The following EMCN variants were observed in gnomAD, a reference collection of about 807,000 sequenced individuals.
The protein encoded by EMCN is MUC-14.
Under a neutral mutation model 38.4 loss-of-function variants are expected in EMCN, and 37 were observed. The ratio of observed to expected loss-of-function variants is 0.96; its 90% CI spans 0.74 to 1.27. The LOEUF (loss-of-function observed/expected upper bound fraction) is 1.27. Among genes scored for constraint, EMCN ranks in the 50% most tolerant of loss-of-function variants. EMCN has a pLI of 0.00. For missense variants in EMCN, 318 were observed against 302.8 expected (o/e 1.05, Z -0.37); for synonymous variants, 95 against 100.8 (o/e 0.94, Z 0.35).
chr4:100,491,359 C>A (rs1401381901), intron 1 of EMCN, among the ~76,000 whole-genome samples: 2 of 152,200 alleles, frequency 1.3e-5, no homozygotes, highest in Non-Finnish European at 2.9e-5. Context: ...CAGCTCTCTG[C>A]ATGGCCTCAA....
chr4:100,431,457 G>T (rs1727197260), intron 5 of EMCN, among the ~76,000 whole-genome samples: 2 of 152,134 alleles, frequency 1.3e-5, no homozygotes, highest in Non-Finnish European at 1.5e-5. Flanking sequence ...CGTCCAACCA[G>T]TTGAAACCCT....
intron 1 of EMCN, among the ~76,000 whole-genome samples, chr4:100,484,745 A>G (rs1027014065): frequency 2.0e-5 from 3 of 152,242 alleles, no homozygotes; most frequent in Admixed American, 6.5e-5. Context: ...TTCCAGGATG[A>G]TTTGAGATCG....
chr4:100,483,561 CAT>C (rs1728868358), intron 1 of EMCN: 1 of 151,926 alleles, frequency 6.6e-6, no homozygotes. Flanking sequence ...CATACGAACA[CAT>C]AAAATGTTTC....
chr4:100,448,893 T>A (rs1251188109), intron 4 of EMCN, among the ~76,000 whole-genome samples: 5 of 151,564 alleles, frequency 3.3e-5, no homozygotes, highest in Admixed American at 2.0e-4. Flanking sequence ...TGCTCAGAAG[T>A]CGCTGTTCAG....
intron 4 of EMCN, among the ~76,000 whole-genome samples, chr4:100,453,408 G>A (rs1193701723): frequency 6.6e-6 from 1 of 152,116 alleles, no homozygotes; most frequent in East Asian, 1.9e-4. Context: ...GCAGCCAAAA[G>A]ACACATGAAA....
intron 5 of EMCN, among the ~76,000 whole-genome samples, chr4:100,430,792 C>T (rs1447375837): frequency 3.3e-5 from 5 of 152,108 alleles, no homozygotes; most frequent in African/African-American, 9.7e-5. Context: ...GTACCAGACA[C>T]GATCACATAT....
chr4:100,402,386 C>A (rs1726282940), intron 11 of EMCN, among the ~76,000 whole-genome samples: 1 of 152,092 alleles, frequency 6.6e-6, no homozygotes, highest in African/African-American at 2.4e-5. Context: ...GACTTTTTAA[C>A]TTCTTTCCTG....
Position 100,481,222 on chromosome 4 carries a change from T to C in EMCN, c.65-1183A>G, listed in dbSNP as rs531359227. Among the ~76,000 whole-genome samples the C allele has an allele frequency of 3.9e-5, 6 of 152,302 alleles. No homozygotes were observed. The East Asian group carries it at 1.2e-3, about 29-fold the overall frequency. On this transcript the variant is annotated intron_variant, in intron 1 of 11. Coordinates refer to ENST00000296420, the MANE Select transcript of EMCN (RefSeq NM_016242.4). ...TGGGTATGTTATTATAGTAAATGTA[T>C]GTCAATAGTATGACTTCTCAAATTT...
At position 100,434,772 on chromosome 4, in the gene EMCN, A is replaced by T. The variant is rs1208700350; in HGVS notation, c.416-11368T>A. ...TCACGTAAACAGAACTAAAGCCAAA[A>T]ACCACACGATTGTCTCAATAGATGC... On this transcript the variant is annotated intron_variant, in intron 5 of 11. Coordinates refer to ENST00000296420, the MANE Select transcript of EMCN (RefSeq NM_016242.4). 3.3e-5 allele frequency among the ~76,000 whole-genome samples: 5 copies of T among 152,340 alleles called. No individual in the cohort carries two copies. In the East Asian group the frequency reaches 7.7e-4, roughly 24 times the overall value.
At chr4:100,472,322 A>G (rs1231947791) in intron 3 of EMCN, among the ~76,000 whole-genome samples, 2 of 151,826 alleles carry the variant, frequency 1.3e-5, no homozygotes, top group African/African-American at 4.8e-5. Context: ...GTAGCAATGA[A>G]TAATCCAAAA....
At chr4:100,460,120 A>C (rs1728136651) in intron 4 of EMCN, among the ~76,000 whole-genome samples, 1 of 152,138 alleles carries the variant, frequency 6.6e-6, no homozygotes, top group African/African-American at 2.4e-5. Context: ...TGGCCATTCT[A>C]ACAGGTATGA....
intron 4 of EMCN, among the ~76,000 whole-genome samples, chr4:100,463,804 A>G (rs1728245487): frequency 1.3e-5 from 2 of 152,156 alleles, no homozygotes; most frequent in African/African-American, 4.8e-5. Flanking sequence ...TTTGAGGTTC[A>G]TACTTCATTA....
At chr4:100,508,046 G>A (rs188791044) in intron 1 of EMCN, among the ~76,000 whole-genome samples, 48 of 152,146 alleles carry the variant, frequency 3.2e-4, no homozygotes, top group Non-Finnish European at 5.9e-4. Context: ...GTGATAACAG[G>A]ATGAAAATGA....
chr4:100,441,148 C>T (rs1404235636), intron 5 of EMCN, among the ~76,000 whole-genome samples: 3 of 151,382 alleles, frequency 2.0e-5, no homozygotes, highest in Non-Finnish European at 1.5e-5. Flanking sequence ...CTTTATTTCT[C>T]CTTTCATGTC....
chr4:100,410,261 G>A, intron 11 of EMCN, 21 bp downstream of exon 11: 2 of 1,459,006 alleles, frequency 1.4e-6, no homozygotes, highest in Non-Finnish European at 9.6e-7. Context: ...TTGTCTCCGT[G>A]AATGAAATTG....
At chr4:100,486,045 A>T (rs1170334278) in intron 1 of EMCN, among the ~76,000 whole-genome samples, 2 of 152,130 alleles carry the variant, frequency 1.3e-5, no homozygotes, top group Non-Finnish European at 2.9e-5. Flanking sequence ...TTTTTTTCTG[A>T]TGCTTAAGCT....
chr4:100,514,423 A>C (rs961652097), intron 1 of EMCN, among the ~76,000 whole-genome samples: 2 of 151,902 alleles, frequency 1.3e-5, no homozygotes, highest in South Asian at 2.1e-4. Context: ...TTATTGACAC[A>C]CTCTCAGACT....
chr4:100,422,629 G>T (rs868457752), intron 7 of EMCN, among the ~76,000 whole-genome samples: 3 of 151,424 alleles, frequency 2.0e-5, no homozygotes, highest in African/African-American at 4.8e-5. Context: ...TATATTCAGG[G>T]TATACAACCT....
At chr4:100,456,487 T>C (rs899837506) in intron 4 of EMCN, among the ~76,000 whole-genome samples, 1 of 152,208 alleles carries the variant, frequency 6.6e-6, no homozygotes, top group African/African-American at 2.4e-5. Flanking sequence ...ACCGTTAAGA[T>C]TGGCTTTAAT....
Sources: allele counts gnomAD v4.1 joint callset (sites outside exome capture counted in the v4.1 genomes callset), GRCh38; gene constraint gnomAD v4.1.1; transcripts MANE v1.5; gene names NCBI Gene and HGNC (gene_info 2026-07-23, HGNC 2026-07-21).